SBF2: variants seen among roughly 807,000 people sequenced by gnomAD.
The protein encoded by SBF2 is myotubularin-related protein 13.
SBF2 carries 112 observed loss-of-function variants against 225.2 expected under a neutral mutation model. That is an observed-to-expected ratio of 0.50 (90% confidence interval 0.43 to 0.58). The LOEUF (loss-of-function observed/expected upper bound fraction) is 0.58, where lower values mean the gene tolerates loss of function less well. SBF2 is among the 20% of genes least tolerant of loss of function. The pLI is 0.00. For missense variants in SBF2, 1,996 were observed against 2,206.2 expected (o/e 0.90, Z 1.91); for synonymous variants, 763 against 773.3 (o/e 0.99, Z 0.22).
chr11:10,237,447 G>A (rs993478713), intron 1 of SBF2, among the ~76,000 whole-genome samples: 2 of 151,676 alleles, frequency 1.3e-5, no homozygotes, highest in African/African-American at 4.8e-5. Context: ...GCTACCCTAG[G>A]GAACCTAAAA....
intron 2 of SBF2, among the ~76,000 whole-genome samples, chr11:10,134,730 G>C (rs147293076): frequency 6.6e-6 from 1 of 152,168 alleles, no homozygotes; most frequent in Non-Finnish European, 1.5e-5. Flanking sequence ...GATGCAAGAG[G>C]TAAGCTGTAT....
chr11:10,226,516 A>T (rs1958562277), intron 1 of SBF2, among the ~76,000 whole-genome samples: 1 of 135,602 alleles, frequency 7.4e-6, no homozygotes. Context: ...TGTGTGATGT[A>T]CCCCTTTCTG....
intron 3 of SBF2, among the ~76,000 whole-genome samples, chr11:10,040,670 TAACTG>T (rs2134672696): frequency 6.6e-6 from 1 of 152,056 alleles, no homozygotes; most frequent in South Asian, 2.1e-4. Context: ...CTGAGGTTGA[TAACTG>T]TACTGTTTAC....
chr11:9,849,460 T>A (rs1415833702), intron 22 of SBF2, among the ~76,000 whole-genome samples: 1 of 152,178 alleles, frequency 6.6e-6, no homozygotes, highest in Admixed American at 6.6e-5. Context: ...ATGCTATTCC[T>A]TTCCAATATA....
At chr11:10,172,289 A>C (rs1956229418) in intron 2 of SBF2, among the ~76,000 whole-genome samples, 1 of 151,936 alleles carries the variant, frequency 6.6e-6, no homozygotes, top group Admixed American at 6.6e-5. Flanking sequence ...CTTCCCTCTT[A>C]ATACTGTTTT....
At chr11:10,002,163 T>A (rs764299012) in intron 7 of SBF2, among the ~76,000 whole-genome samples, 5 of 152,198 alleles carry the variant, frequency 3.3e-5, no homozygotes, top group Non-Finnish European at 7.4e-5. Context: ...AAATACCAGA[T>A]GTCATATTGT....
chr11:9,787,176 G>A (rs1300909190), intron 36 of SBF2, among the ~76,000 whole-genome samples: 3 of 152,216 alleles, frequency 2.0e-5, no homozygotes, highest in Admixed American at 1.3e-4. Flanking sequence ...TTATAGGCGT[G>A]AGCCACCGCA....
chr11:10,126,021 C>T (rs947728108), intron 2 of SBF2, among the ~76,000 whole-genome samples: 12 of 152,190 alleles, frequency 7.9e-5, no homozygotes, highest in African/African-American at 2.9e-4. Flanking sequence ...TGACTTATTA[C>T]TGGTGATGTG....
At chr11:9,959,265 C>T in intron 16 of SBF2, 2 of 775,344 alleles carry the variant, frequency 2.6e-6, no homozygotes, top group Admixed American at 1.7e-5. Flanking sequence ...ACAAGCAGGC[C>T]CGGTAATGAG....
At chr11:10,014,606 A>G (rs1394952506) in intron 6 of SBF2, among the ~76,000 whole-genome samples, 1 of 151,188 alleles carries the variant, frequency 6.6e-6, no homozygotes, top group Non-Finnish European at 1.5e-5. Flanking sequence ...TCAAATACTC[A>G]TAAGTTACTA....
chr11:10,009,317 G>C (rs1448584912), intron 6 of SBF2, among the ~76,000 whole-genome samples: 1 of 152,100 alleles, frequency 6.6e-6, no homozygotes, highest in Non-Finnish European at 1.5e-5. Context: ...GTGAAGGTTT[G>C]CCAAATAGGT....
intron 6 of SBF2, among the ~76,000 whole-genome samples, chr11:10,009,308 TGAA>T (rs1288673110): frequency 6.6e-6 from 1 of 152,250 alleles, no homozygotes; most frequent in Non-Finnish European, 1.5e-5. Flanking sequence ...GTGCAGAACG[TGAA>T]GGTTTGCCAA....
At chr11:9,860,837 T>C (rs1408169611) in intron 17 of SBF2, among the ~76,000 whole-genome samples, 1 of 152,178 alleles carries the variant, frequency 6.6e-6, no homozygotes, top group African/African-American at 2.4e-5. Context: ...CCTTATCAGA[T>C]TCTCACAAAG....
In SBF2 at chr11:9,962,013, T is replaced by C. The variant is rs751375939; in HGVS notation, c.1804A>G (p.Ile602Val). Residue 602 changes from isoleucine to valine, a missense_variant, in exon 16 of 40, where the codon ATA (isoleucine) becomes GTA (valine). By Grantham distance (29) the Ile-to-Val change is conservative. Transcript: ENST00000256190. ...TAGTCAAACTGTTGATGGTCTAATA[T>C]TGCCCGGTTTTGCTGGACATGCAAA... ...LGLHVQQNRA[I>V]LDHQQFDYII... 6.2e-7 allele frequency: 1 copy of C among 1,614,144 alleles called. No individual in the cohort carries two copies. Among genetic ancestry groups the C allele is most frequent in the Non-Finnish European group, 8.5e-7 (1 of 1,179,976 alleles).
chr11:10,119,515 A>G (rs1953329942), intron 2 of SBF2, among the ~76,000 whole-genome samples: 1 of 152,196 alleles, frequency 6.6e-6, no homozygotes, highest in Admixed American at 6.5e-5. Context: ...AATAGATTCA[A>G]AAGTTCTTAA....
chr11:10,002,943 A>G (rs1752600441), intron 6 of SBF2, among the ~76,000 whole-genome samples: 1 of 152,106 alleles, frequency 6.6e-6, no homozygotes, highest in Admixed American at 6.5e-5. Flanking sequence ...CCTTCTTTTC[A>G]ATTTCATCTC....
At chr11:9,934,272 T>G (rs745747830) in intron 16 of SBF2, among the ~76,000 whole-genome samples, 14 of 152,040 alleles carry the variant, frequency 9.2e-5, no homozygotes, top group Non-Finnish European at 1.5e-4. Flanking sequence ...AAGTTGAATC[T>G]CTGAATAGAC....
chr11:10,250,883 G>A (rs1960276298), intron 1 of SBF2, among the ~76,000 whole-genome samples: 2 of 152,092 alleles, frequency 1.3e-5, no homozygotes, highest in Non-Finnish European at 2.9e-5. Flanking sequence ...TACACCCACT[G>A]GAACCCTTAA....
chr11:9,868,366 A>AAAAAAAAAAAAAAAAAAAAG (rs1554933292), intron 17 of SBF2, among the ~76,000 whole-genome samples: 1 of 114,868 alleles, frequency 8.7e-6, no homozygotes, highest in African/African-American at 3.6e-5. Context: ...AAAAAAAAAA[A>AAAAAAAAAAAAAAAAAAAAG]AATTAGGCGG....
Sources: allele counts gnomAD v4.1 joint callset (sites outside exome capture counted in the v4.1 genomes callset), GRCh38; gene constraint gnomAD v4.1.1; transcripts MANE v1.5; gene names NCBI Gene and HGNC (gene_info 2026-07-23, HGNC 2026-07-21).